CCNA1: variants seen among roughly 807,000 people sequenced by gnomAD.
The protein encoded by CCNA1 is cyclin-A1.
CCNA1 carries 23 observed loss-of-function variants against 54.1 expected under a neutral mutation model. The ratio of observed to expected loss-of-function variants is 0.42; its 90% CI spans 0.31 to 0.60. The LOEUF (loss-of-function observed/expected upper bound fraction) is 0.60, where lower values mean the gene tolerates loss of function less well. CCNA1 is among the 20% of genes least tolerant of loss of function. The probability of loss-of-function intolerance (pLI) is 0.14; values close to 1 mark genes in which losing one functional copy is unlikely to be tolerated. For missense variants in CCNA1, 450 were observed against 556.7 expected (o/e 0.81, Z 1.93); for synonymous variants, 208 against 213.9 (o/e 0.97, Z 0.24).
intron 4 of CCNA1, among the ~76,000 whole-genome samples, 136 bp from the exon 5 acceptor site, chr13:36,438,490 ATTTACACTTTCTTCCTTG>A (rs1232388736): frequency 6.6e-6 from 1 of 152,062 alleles, no homozygotes; most frequent in Admixed American, 6.6e-5. Context: ...AGAACCAGAA[ATTTACACTTTCTTCCTTG>A]TTATGATAAA....
chr13:36,433,200 G>A lies in CCNA1; in HGVS notation c.276G>A (p.Gln92=), dbSNP rs2055738673. ...TAGGGCTGCTAACTGCAAATGGGCA[G>A]TACAGGAGGACCTGTGGCCAGGTAA... Residue 92 remains glutamine (Q), a synonymous_variant, in exon 2 of 9, where the codon CAG becomes CAA. Coordinates refer to ENST00000255465, the MANE Select transcript of CCNA1 (RefSeq NM_003914.4). 6.2e-7 allele frequency: 1 copy of A among 1,613,176 alleles called. No homozygotes were observed. Among genetic ancestry groups the A allele is most frequent in the South Asian group, 1.1e-5 (1 of 90,940 alleles).
chr13:36,434,169 T>G lies in CCNA1; in HGVS notation c.297+948T>G, dbSNP rs557861204. Among the ~76,000 whole-genome samples, 237 of 152,320 alleles carry G rather than the reference T, an allele frequency of 1.6e-3. 1 individual carries two copies. The highest frequency in any genetic ancestry group is 5.5e-3 in the African/African-American group (229 of 41,574). On this transcript the variant is annotated intron_variant, in intron 2 of 8. Transcript: ENST00000255465. ...ATTAGATTACTCCAAAATGGGTGCT[T>G]TGAAGGCAGACATCTTCCCAGTACT... is the stretch of plus-strand genomic sequence containing the variant.
rs1250304284 is a variant in CCNA1, at chr13:36,437,750, A to G, written c.419A>G (p.Asp140Gly). 1 of 1,614,054 alleles carries G rather than the reference A, an allele frequency of 6.2e-7. No individual in the cohort carries two copies. Among genetic ancestry groups the G allele is most frequent in the Admixed American group, 1.7e-5 (1 of 60,002 alleles). The change falls in exon 3 of 9, where the codon GAT (aspartate) becomes GGT (glycine). Residue 140 changes from aspartate (D) to glycine (G), a missense_variant. Coordinates refer to ENST00000255465, the MANE Select transcript of CCNA1 (RefSeq NM_003914.4). ...AAGCAAGGGTTTGACATCTACATGG[A>G]TGAACTAGAGCAGGGGGACAGAGAC...
rs114854781 is a variant in CCNA1, at chr13:36,441,267, G to T, written c.1212+36G>T. 1,255 of 1,316,260 alleles carry T rather than the reference G, an allele frequency of 9.5e-4. 11 individuals are homozygous for T. In the African/African-American group the frequency reaches 0.015, roughly 16 times the overall value. 81.5% of individuals were successfully genotyped at this position (1,316,260 alleles called of 1,614,324 possible). A position where few individuals can be genotyped will look rare whatever the true frequency, so the allele number is the denominator to read the frequency against. ...AACTTCTTTCTAGATGAAATTCAAG[G>T]TCTATCTAGAATGGGCTTGCCTCTT... is the stretch of plus-strand genomic sequence containing the variant. On this transcript the variant is annotated intron_variant, in intron 7 of 8. Transcript: ENST00000255465.
At chr13:36,436,336 G>A (rs897414193) in intron 2 of CCNA1, among the ~76,000 whole-genome samples, 2 of 152,036 alleles carry the variant, frequency 1.3e-5, no homozygotes, top group African/African-American at 4.8e-5. Flanking sequence ...CTGTCCTCAT[G>A]GCCTATATGA....
At position 36,432,737 on chromosome 13, in the gene CCNA1, G is replaced by C; in HGVS notation, c.108+8G>C. ...CCAGATTTCGTCTTCCAGGTAACGT[G>C]GGTTTAGTATCCCGACTTGGAGGCT... On this transcript the variant is annotated splice_region_variant and intron_variant, in intron 1 of 8. Coordinates refer to ENST00000255465, the MANE Select transcript of CCNA1 (RefSeq NM_003914.4). 1 of 1,560,140 alleles carries C rather than the reference G, an allele frequency of 6.4e-7. No individual in the cohort carries two copies.
At position 36,438,102 on chromosome 13, in the gene CCNA1, C is replaced by G; in HGVS notation, c.580C>G (p.Gln194Glu). 1.2e-6 allele frequency: 2 copies of G among 1,613,536 alleles called. No individual in the cohort carries two copies. The highest frequency in any genetic ancestry group is 1.7e-6 in the Non-Finnish European group (2 of 1,179,548). The change falls in exon 4 of 9, where the codon CAG becomes GAG. Residue 194 changes from glutamine (Q) to glutamate (E), a missense_variant. Around this residue, in one of 6 missense-constraint regions of CCNA1, gnomAD observed 103 missense variants for 92.9 expected, o/e 1.11. Coordinates refer to ENST00000255465, the MANE Select transcript of CCNA1 (RefSeq NM_003914.4). ...GCTGGTAGATTCATCTCTCCTCTCCCAGTCTGAAGATATATCCAGTCTTGG... is the reference window on the plus strand; with the variant it reads ...GCTGGTAGATTCATCTCTCCTCTCCGAGTCTGAAGATATATCCAGTCTTGG...
chr13:36,441,034 C>T, intron 6 of CCNA1, 84 bp from the exon 7 acceptor site: 1 of 663,944 alleles, frequency 1.5e-6, no homozygotes, highest in Non-Finnish European at 2.6e-6. Context: ...GATAAGATAC[C>T]ATTTATTTCC....
At chr13:36,442,334 T>G (rs376419058) in intron 8 of CCNA1, 30 bp downstream of exon 8, 162 of 1,608,946 alleles carry the variant, frequency 1.0e-4, no homozygotes, top group Non-Finnish European at 1.3e-4. Flanking sequence ...ATATCTTAGC[T>G]CTCTATTTAA....
intron 4 of CCNA1, among the ~76,000 whole-genome samples, 178 bp from the exon 5 acceptor site, chr13:36,438,466 A>C (rs113593136): frequency 8.7e-4 from 132 of 152,156 alleles, no homozygotes; most frequent in African/African-American, 3.0e-3. Context: ...TAATTTGCTA[A>C]CCAATTACTT....
At chr13:36,442,495 A>T in intron 8 of CCNA1, 119 bp from the exon 9 acceptor site, 1 of 1,132,822 alleles carries the variant, frequency 8.8e-7, no homozygotes. Flanking sequence ...TAATACTTGT[A>T]GTCAGCCAGC....
rs1280629988 is a variant in CCNA1, at chr13:36,438,768, T to C, written c.794T>C (p.Leu265Pro). 3.1e-6 allele frequency: 5 copies of C among 1,614,008 alleles called. No homozygotes were observed. The highest frequency in any genetic ancestry group is 4.2e-6 in the Non-Finnish European group (5 of 1,179,870). ...GAATATAAACTTCGAGCAGAGACCC[T>C]GTATCTGGCTGTCAACTTCCTGGAC... Residue 265 changes from leucine (L) to proline (P), a missense_variant, in exon 5 of 9, where the codon CTG becomes CCG. Around this residue, in one of 6 missense-constraint regions of CCNA1, gnomAD observed 150 missense variants for 219.7 expected, o/e 0.68. Transcript: ENST00000255465.
chr13:36,432,667 G>C lies in CCNA1; in HGVS notation c.46G>C (p.Gly16Arg). The C allele has an allele frequency of 6.2e-7, 1 of 1,610,570 alleles. No individual in the cohort carries two copies. Among genetic ancestry groups the C allele is most frequent in the Non-Finnish European group, 8.5e-7 (1 of 1,178,650 alleles). ...AATCATGTACCCTGGATCTTTTATT[G>C]GGGGCTGGGGAGAAGAGTATCTCAG... is the stretch of plus-strand genomic sequence containing the variant. Residue 16 changes from glycine to arginine, a missense_variant, in exon 1 of 9, where the codon GGG (glycine) becomes CGG (arginine). By Grantham distance (125) the Gly-to-Arg change is moderately radical. This residue lies in a region of CCNA1 where 103 missense variants were observed against 100.9 expected (regional missense o/e 1.02). Transcript: ENST00000255465.
intron 2 of CCNA1, among the ~76,000 whole-genome samples, chr13:36,437,278 A>G (rs546369723): frequency 6.6e-6 from 1 of 152,358 alleles, no homozygotes; most frequent in African/African-American, 2.4e-5. Context: ...TCATGATGCT[A>G]TAAATATGAA....
chr13:36,434,971 C>G (rs1382465653), intron 2 of CCNA1, among the ~76,000 whole-genome samples: 1 of 152,006 alleles, frequency 6.6e-6, no homozygotes, highest in Admixed American at 6.6e-5. Context: ...TGCCATTTTC[C>G]CATCTTAAAA....
intron 7 of CCNA1, among the ~76,000 whole-genome samples, chr13:36,441,731 G>A (rs1008431742): frequency 6.6e-6 from 1 of 152,094 alleles, no homozygotes; most frequent in Non-Finnish European, 1.5e-5. Context: ...GAAGTGGGGT[G>A]TCTACCCTTA....
At chr13:36,437,945 C>G in intron 3 of CCNA1, 70 bp downstream of exon 3, 1 of 1,573,270 alleles carries the variant, frequency 6.4e-7, no homozygotes, top group African/African-American at 1.4e-5. Context: ...CATTCAATAG[C>G]TAGTAACTAG....
intron 2 of CCNA1, among the ~76,000 whole-genome samples, chr13:36,433,991 G>A (rs1263418101): frequency 6.6e-6 from 1 of 152,242 alleles, no homozygotes. Context: ...GGGCTAAAAG[G>A]AAATGTGAAT....
At chr13:36,437,934 G>A in intron 3 of CCNA1, 59 bp downstream of exon 3, 2 of 1,579,676 alleles carry the variant, frequency 1.3e-6, no homozygotes, top group Non-Finnish European at 8.6e-7. Context: ...ACTGCCTGCA[G>A]CATTCAATAG....
Sources: gnomAD v4.1 joint callset for allele counts (sites outside exome capture counted in the v4.1 genomes callset) on GRCh38, gnomAD v4.1.1 for gene constraint, gnomAD v4.1.1 regional missense constraint, MANE v1.5 for transcripts, NCBI Gene and HGNC (gene_info 2026-07-23, HGNC 2026-07-21) for gene names.